The following C10orf90 variants were observed in gnomAD, a reference collection of about 807,000 sequenced individuals.
The protein encoded by C10orf90 is chromosome 10 open reading frame 90, also known as (E2-independent) E3 ubiquitin-conjugating enzyme FATS.
C10orf90 carries 56 observed loss-of-function variants against 62.5 expected under a neutral mutation model. The observed-to-expected ratio is 0.90, with a 90% CI of 0.72 to 1.12. The LOEUF (loss-of-function observed/expected upper bound fraction) is 1.12, where lower values mean the gene tolerates loss of function less well. Ranked by LOEUF, C10orf90 falls within the 50% of genes most tolerant of loss-of-function variation. The probability of loss-of-function intolerance (pLI) is 0.00; values close to 1 mark genes in which losing one functional copy is unlikely to be tolerated. For synonymous variants in C10orf90, 386 were observed against 340.4 expected (o/e 1.13, Z -1.47); for missense variants, 970 against 880.4 (o/e 1.10, Z -1.29).
chr10:126,663,056 G>A (rs183356796), intron 1 of C10orf90, among the ~76,000 whole-genome samples: 1 of 152,330 alleles, frequency 6.6e-6, no homozygotes, highest in East Asian at 1.9e-4. Context: ...CAGCCCAGGT[G>A]TTTCCTCTTT....
chr10:126,545,911 T>G (rs1280961669), intron 2 of C10orf90, among the ~76,000 whole-genome samples: 1 of 152,210 alleles, frequency 6.6e-6, no homozygotes, highest in African/African-American at 2.4e-5. Context: ...ATAAAATATA[T>G]GTAAGAGCTA....
intron 7 of C10orf90, among the ~76,000 whole-genome samples, chr10:126,440,031 T>C (rs1287918257): frequency 6.6e-6 from 1 of 152,114 alleles, no homozygotes; most frequent in Non-Finnish European, 1.5e-5. Flanking sequence ...TTGTAACAAT[T>C]TGAACCAGTT....
intron 2 of C10orf90, among the ~76,000 whole-genome samples, chr10:126,602,759 T>A (rs1282365119): frequency 1.2e-5 from 1 of 84,364 alleles, no homozygotes; most frequent in Non-Finnish European, 2.0e-5. Flanking sequence ...GGTTTTGGGC[T>A]TTTTTTTTTT....
intron 2 of C10orf90, among the ~76,000 whole-genome samples, chr10:126,644,819 T>A (rs1266165717): frequency 6.6e-6 from 1 of 152,198 alleles, no homozygotes. Flanking sequence ...ATGGCACTCT[T>A]CTCAGTGTCC....
rs1371247365 is a variant in C10orf90 at position 126,425,617 on chromosome 10, C to T, written c.*247G>A. ...TTTAGAAGCAAAAACATTAAGGGGA[C>T]TGTATCCAGTGGGTTACATGGAGGT... is the stretch of plus-strand genomic sequence containing the variant. On this transcript the variant is annotated 3_prime_UTR_variant, in exon 10 of 10. Transcript: ENST00000488181. The T allele has an allele frequency of 1.9e-6, 1 of 534,542 alleles. No individual in the cohort carries two copies. The highest frequency in any genetic ancestry group is 3.3e-6 in the Non-Finnish European group (1 of 307,070). 33.1% of individuals were successfully genotyped at this position (534,542 alleles called of 1,614,324 possible).
Position 126,441,872 on chromosome 10 carries a change from C to T in C10orf90, c.2189-12022G>A, listed in dbSNP as rs559642627. Among the ~76,000 whole-genome samples, 42 of 152,204 alleles carry T rather than the reference C, an allele frequency of 2.8e-4. No homozygotes were observed. In the South Asian group the frequency reaches 4.6e-3, roughly 17 times the overall value. On this transcript the variant is annotated intron_variant, in intron 7 of 9. Coordinates refer to ENST00000488181, the MANE Select transcript of C10orf90 (RefSeq NM_001350921.2). The stretch of plus-strand genomic sequence containing the variant: ...CACTACCAAGCCACCACTAAAAGAA[C>T]TCTAAAAGTGCTCTAAATCATGAAA...
intron 1 of C10orf90, among the ~76,000 whole-genome samples, chr10:126,662,473 C>T (rs993375916): frequency 2.0e-5 from 3 of 152,182 alleles, no homozygotes; most frequent in African/African-American, 7.2e-5. Context: ...AAGCAAACTT[C>T]TGGAGCTGTT....
chr10:126,481,408 C>G (rs568763929), intron 4 of C10orf90, among the ~76,000 whole-genome samples: 1 of 152,384 alleles, frequency 6.6e-6, no homozygotes, highest in Non-Finnish European at 1.5e-5. Context: ...AAACATTTGT[C>G]AAGTGACTTA....
chr10:126,571,301 AGGCCAAAG>A (rs1844500608), intron 2 of C10orf90, among the ~76,000 whole-genome samples: 1 of 152,218 alleles, frequency 6.6e-6, no homozygotes, highest in African/African-American at 2.4e-5. Context: ...AAACTTGTCC[AGGCCAAAG>A]GGCAGGTGAG....
intron 2 of C10orf90, among the ~76,000 whole-genome samples, chr10:126,545,571 G>C (rs955027419): frequency 1.3e-4 from 20 of 152,068 alleles, no homozygotes; most frequent in Admixed American, 1.2e-3. Flanking sequence ...GCAGAATCTA[G>C]AGGTAGCAAC....
intron 2 of C10orf90, among the ~76,000 whole-genome samples, chr10:126,604,097 G>T (rs2576016): frequency 0.028 from 4,192 of 152,246 alleles, 106 homozygotes; most frequent in South Asian, 0.073. Context: ...GTTCCTGCCC[G>T]GAGGCTTCCC....
chr10:126,524,797 G>A (rs963666267), intron 2 of C10orf90: 2 of 985,382 alleles, frequency 2.0e-6, no homozygotes, highest in Admixed American at 1.2e-4. Flanking sequence ...AGAGCTGGGG[G>A]CCATCGAGGG....
chr10:126,615,706 C>T (rs994219436), intron 2 of C10orf90, among the ~76,000 whole-genome samples: 8 of 152,144 alleles, frequency 5.3e-5, no homozygotes, highest in Non-Finnish European at 1.0e-4. Flanking sequence ...GAGATGCCAT[C>T]TCTACCTGAC....
intron 2 of C10orf90, 34 bp from the exon 3 acceptor site, chr10:126,513,973 G>C (rs1340933222): frequency 7.0e-7 from 1 of 1,429,120 alleles, no homozygotes. Flanking sequence ...CTACTTTTTA[G>C]TATATAAAAG....
At position 126,541,335 on chromosome 10, in the gene C10orf90, T is replaced by C. The variant is rs1864371818; in HGVS notation, c.314-27396A>G. 2.0e-5 allele frequency among the ~76,000 whole-genome samples: 3 copies of C among 151,908 alleles called. No individual in the cohort carries two copies. The South Asian group carries it at 6.2e-4, about 32-fold the overall frequency. The stretch of plus-strand genomic sequence containing the variant: ...CTCTTTAGCAATTGGATAAATAAAA[T>C]TTTAAAAAACATTTAAAGAAAATAA... On this transcript the variant is annotated intron_variant, in intron 2 of 9. Coordinates refer to ENST00000488181, the MANE Select transcript of C10orf90 (RefSeq NM_001350921.2).
At chr10:126,576,677 A>AAAG (rs1844620173) in intron 2 of C10orf90, among the ~76,000 whole-genome samples, 1 of 45,922 alleles carries the variant, frequency 2.2e-5, no homozygotes, top group African/African-American at 1.2e-4. Flanking sequence ...ATATATGTAT[A>AAAG]CATATACATA....
chr10:126,668,809 CAGCGTATTGGGCCCTGAAAAAAATGT>C (rs1482131159), intron 1 of C10orf90, among the ~76,000 whole-genome samples: 17 of 152,106 alleles, frequency 1.1e-4, no homozygotes, highest in African/African-American at 4.1e-4. Flanking sequence ...TCAATAGTAG[CAGCGTATTGGGCCCTGAAAAAAATGT>C]AGCTGTGACT....
chr10:126,497,891 C>T (rs1862157301), intron 4 of C10orf90, among the ~76,000 whole-genome samples: 1 of 152,310 alleles, frequency 6.6e-6, no homozygotes, highest in Middle Eastern at 3.4e-3. Context: ...CTCATGCCTG[C>T]CATAGGGCTG....
chr10:126,540,897 G>T (rs1050998945), intron 2 of C10orf90, among the ~76,000 whole-genome samples: 3 of 152,194 alleles, frequency 2.0e-5, no homozygotes, highest in South Asian at 2.1e-4. Flanking sequence ...GAATATTTGC[G>T]TATAATATTC....
Sources: allele counts gnomAD v4.1 joint callset (sites outside exome capture counted in the v4.1 genomes callset), GRCh38; gene constraint gnomAD v4.1.1; transcripts MANE v1.5; gene names NCBI Gene and HGNC (gene_info 2026-07-23, HGNC 2026-07-21).